CTCFL: variants seen among roughly 807,000 people sequenced by gnomAD.
CTCFL encodes CCCTC-binding factor like.
Under a neutral mutation model 67.4 loss-of-function variants are expected in CTCFL, and 36 were observed. The observed-to-expected ratio is 0.53, with a 90% CI of 0.41 to 0.71. The LOEUF (loss-of-function observed/expected upper bound fraction) is 0.71. CTCFL is among the 30% of genes least tolerant of loss of function. CTCFL has a pLI of 0.00. For missense variants in CTCFL, 786 were observed against 835.2 expected (o/e 0.94, Z 0.73); for synonymous variants, 324 against 302.3 (o/e 1.07, Z -0.75).
intron 9 of CTCFL, chr20:57,507,022 CT>C (rs1363267476): frequency 8.1e-6 from 8 of 984,932 alleles, no homozygotes; most frequent in African/African-American, 1.7e-5. Context: ...TTTTATAAAA[CT>C]TTTATAAAGT....
At chr20:57,515,621 G>T in intron 6 of CTCFL, 93 bp downstream of exon 6, 1 of 1,533,666 alleles carries the variant, frequency 6.5e-7, no homozygotes. Flanking sequence ...TTTTACCTTT[G>T]AACTTTAATT....
chr20:57,512,822 T>A, intron 7 of CTCFL, 70 bp from the exon 8 acceptor site: 1 of 1,476,676 alleles, frequency 6.8e-7, no homozygotes. Flanking sequence ...CCCTCTCCTC[T>A]AAACCGGGGT....
chr20:57,514,899 C>T, intron 6 of CTCFL, 158 bp from the exon 7 acceptor site: 1 of 701,250 alleles, frequency 1.4e-6, no homozygotes, highest in South Asian at 1.9e-5. Context: ...AAATCAAGCC[C>T]AGACAGCTTA....
In CTCFL at chr20:57,523,055, T is replaced by C; in HGVS notation, c.754+13A>G. ...GTTTTAGGGAGTGTATTCTATGAGA[T>C]GAACTGGCCTACCCTTTGTCTTTCT... On this transcript the variant is annotated intron_variant, in intron 3 of 10. Transcript: ENST00000243914. The C allele has an allele frequency of 1.2e-6, 2 of 1,606,376 alleles. No homozygotes were observed. Among genetic ancestry groups the C allele is most frequent in the Non-Finnish European group, 8.5e-7 (1 of 1,174,910 alleles).
At chr20:57,501,667 G>GC (rs1403854091) in intron 10 of CTCFL, among the ~76,000 whole-genome samples, 4 of 152,198 alleles carry the variant, frequency 2.6e-5, no homozygotes, top group Non-Finnish European at 4.4e-5. Flanking sequence ...GGATGGAGAA[G>GC]CCCCAGGAGC....
At chr20:57,524,297 T>C in intron 1 of CTCFL, 81 bp from the exon 2 acceptor site, 3 of 1,523,330 alleles carry the variant, frequency 2.0e-6, no homozygotes, top group Non-Finnish European at 2.6e-6. Context: ...TGCTGGAACC[T>C]AGCAGGCTTT....
intron 7 of CTCFL, chr20:57,513,399 G>A: frequency 1.0e-6 from 1 of 987,584 alleles, no homozygotes; most frequent in South Asian, 4.7e-5. Context: ...GGACAGCTGT[G>A]TGATGGAGCT....
intron 8 of CTCFL, among the ~76,000 whole-genome samples, chr20:57,509,230 T>A (rs1285905935): frequency 6.6e-6 from 1 of 152,168 alleles, no homozygotes; most frequent in East Asian, 1.9e-4. Context: ...GTACCTTAAG[T>A]ATCAACATTT....
Position 57,513,670 on chromosome 20 carries a change from G to A in CTCFL, c.1331-918C>T, listed in dbSNP as rs578240977. 116 of 1,184,576 alleles carry A rather than the reference G, an allele frequency of 9.8e-5. No homozygotes were observed. The African/African-American group carries it at 1.8e-3, about 19-fold the overall frequency. 73.4% of individuals were successfully genotyped at this position (1,184,576 alleles called of 1,614,324 possible). ...GTATCTACGGCAACAATGACAGAAT[G>A]GTCCAGATGAAAAATAAAAGTGAAG... On this transcript the variant is annotated intron_variant, in intron 7 of 10. Coordinates refer to ENST00000243914, the MANE Select transcript of CTCFL (RefSeq NM_001386993.1).
In CTCFL at chr20:57,523,144, T is replaced by C. The variant is rs2069519822; in HGVS notation, c.678A>G (p.Glu226=). ...GACCAGCTGTAGGTTGATCCTCTTG[T>C]TCTTCCACATTTGAATTTGAAACTG... ...VLTVSNSNVE[E]QEDQPTAGQA... The change falls in exon 3 of 11, where the codon GAA becomes GAG. Residue 226 remains glutamate, a synonymous_variant. Transcript: ENST00000243914. 2 of 1,613,968 alleles carry C rather than the reference T, an allele frequency of 1.2e-6. No individual in the cohort carries two copies. The highest frequency in any genetic ancestry group is 2.7e-5 in the African/African-American group (2 of 74,946).
intron 4 of CTCFL, 21 bp downstream of exon 4, chr20:57,519,186 C>T (rs551135459): frequency 1.2e-6 from 2 of 1,611,634 alleles, no homozygotes; most frequent in African/African-American, 2.7e-5. Context: ...TCCAGAGAAA[C>T]AGCCTTCCCG....
At chr20:57,516,126 A>G (rs569434726) in intron 5 of CTCFL, among the ~76,000 whole-genome samples, 51 of 152,342 alleles carry the variant, frequency 3.3e-4, no homozygotes, top group African/African-American at 1.2e-3. Flanking sequence ...CAAATGCCAT[A>G]CAAGATTTTG....
At chr20:57,500,361 A>C (rs1205535104) in intron 10 of CTCFL, 1 of 307,932 alleles carries the variant, frequency 3.2e-6, no homozygotes, top group Non-Finnish European at 6.2e-6. Context: ...CTGAGGCATG[A>C]GAATCACTTG....
chr20:57,517,642 C>T (rs2069025620), intron 5 of CTCFL, among the ~76,000 whole-genome samples: 1 of 152,112 alleles, frequency 6.6e-6, no homozygotes, highest in Non-Finnish European at 1.5e-5. Flanking sequence ...TTCCTGCTGC[C>T]ATTTTTGTCA....
rs1010223704 is a variant in CTCFL, at chr20:57,508,677, T to G, written c.1603A>C (p.Lys535Gln). ...GGGATGAAATTTGCATCGTGGTATT[T>G]CCTGAAGTGAGCGTTTAGAAGTTGC... ...QKQLLNAHFR[K>Q]YHDANFIPTV... Residue 535 changes from lysine (K) to glutamine (Q), a missense_variant, in exon 9 of 11, where the codon AAA becomes CAA. Lys to Gln is a moderately conservative substitution (Grantham distance 53). Around this residue, in one of 3 missense-constraint regions of CTCFL, gnomAD observed 199 missense variants for 196.7 expected, o/e 1.01. Transcript: ENST00000243914. 27 of 1,614,084 alleles carry G rather than the reference T, an allele frequency of 1.7e-5. No individual in the cohort carries two copies. Among genetic ancestry groups the G allele is most frequent in the Non-Finnish European group, 2.3e-5 (27 of 1,180,052 alleles).
intron 10 of CTCFL, chr20:57,499,954 G>T (rs7267256): frequency 3.0e-6 from 3 of 985,992 alleles, no homozygotes; most frequent in Non-Finnish European, 3.6e-6. Context: ...ACGGCTGGGG[G>T]GTTGGGGAGC....
chr20:57,497,092 C>T (rs559088886), downstream of CTCFL: 11 of 291,268 alleles, frequency 3.8e-5, no homozygotes, highest in East Asian at 5.3e-4. Flanking sequence ...CAGTGCACAA[C>T]GGTTCCAATT....
chr20:57,506,842 G>A (rs1234444095), intron 9 of CTCFL: 1 of 984,668 alleles, frequency 1.0e-6, no homozygotes, highest in African/African-American at 1.8e-5. Flanking sequence ...CACAATTTTT[G>A]CATGAGCAAT....
intron 9 of CTCFL, among the ~76,000 whole-genome samples, chr20:57,504,036 GCGC>G (rs1377810304): frequency 1.2e-4 from 18 of 151,704 alleles, no homozygotes; most frequent in East Asian, 5.8e-4. Flanking sequence ...GAGTGCAGTG[GCGC>G]CATCTCGGCT....
Sources: allele counts gnomAD v4.1 joint callset (sites outside exome capture counted in the v4.1 genomes callset), GRCh38; gene constraint gnomAD v4.1.1; regional missense constraint gnomAD v4.1.1; transcripts MANE v1.5; gene names NCBI Gene and HGNC (gene_info 2026-07-23, HGNC 2026-07-21).